LRP1B: variants seen among roughly 807,000 people sequenced by gnomAD.
LRP1B encodes low-density lipoprotein receptor-related protein 1B.
Under a neutral mutation model 556.6 loss-of-function variants are expected in LRP1B, and 217 were observed. The observed-to-expected ratio is 0.39, with a 90% CI of 0.35 to 0.44. The LOEUF is 0.44. LRP1B is among the 20% of genes least tolerant of loss of function. The pLI, the probability that LRP1B is intolerant of heterozygous loss-of-function variation, is 1.00. For synonymous variants in LRP1B, 2,047 were observed against 1,865.8 expected (o/e 1.10, Z -2.50); for missense variants, 5,053 against 5,620.8 (o/e 0.90, Z 3.23).
chr2:140,646,033 A>T (rs535704295), intron 41 of LRP1B, among the ~76,000 whole-genome samples: 2 of 152,280 alleles, frequency 1.3e-5, no homozygotes, highest in East Asian at 3.9e-4. Context: ...CCAATCAGTC[A>T]TTAAAGTTCT....
At chr2:142,045,019 C>A (rs950653338) in intron 1 of LRP1B, among the ~76,000 whole-genome samples, 1 of 151,460 alleles carries the variant, frequency 6.6e-6, no homozygotes, top group African/African-American at 2.4e-5. Context: ...TAAACAAGTT[C>A]TTTTTAAATG....
chr2:140,460,575 C>T (rs1687277718), intron 60 of LRP1B, among the ~76,000 whole-genome samples: 1 of 152,098 alleles, frequency 6.6e-6, no homozygotes, highest in Non-Finnish European at 1.5e-5. Flanking sequence ...TATAAAACTG[C>T]ATTTGCTTAA....
chr2:141,315,882 CTTTTTTTTTTTTTTTTTTTTTTT>C (rs70991157), intron 3 of LRP1B, among the ~76,000 whole-genome samples: 1 of 18,116 alleles, frequency 5.5e-5, no homozygotes, highest in Non-Finnish European at 9.2e-5. Flanking sequence ...TTAGTCTGGT[CTTTTTTTTTTTTTTTTTTTTTTT>C]TTTTTTTTTT....
chr2:140,501,640 C>G (rs186882472), intron 55 of LRP1B, 47 bp downstream of exon 55: 1 of 1,375,544 alleles, frequency 7.3e-7, no homozygotes, highest in Non-Finnish European at 9.8e-7. Flanking sequence ...TTCTTAACCT[C>G]CAATTCTAAT....
intron 1 of LRP1B, among the ~76,000 whole-genome samples, chr2:141,997,444 T>TAC (rs148682019): frequency 1.4e-4 from 19 of 137,260 alleles, no homozygotes; most frequent in African/African-American, 4.8e-4. Context: ...TGTGTGTATA[T>TAC]ACACACACAC....
chr2:141,791,071 T>C (rs1051409812), intron 2 of LRP1B, among the ~76,000 whole-genome samples: 11 of 151,982 alleles, frequency 7.2e-5, no homozygotes, highest in Non-Finnish European at 1.5e-4. Context: ...AATCTTTTAA[T>C]TATTTTTGAT....
At chr2:140,347,414 AT>A (rs1222761755) in intron 77 of LRP1B, among the ~76,000 whole-genome samples, 70 of 151,728 alleles carry the variant, frequency 4.6e-4, no homozygotes, top group Non-Finnish European at 5.2e-4. Flanking sequence ...AATTATTAGT[AT>A]TCTAACCATT....
At chr2:140,366,434 G>C (rs1056746228) in intron 71 of LRP1B, among the ~76,000 whole-genome samples, 9 of 151,684 alleles carry the variant, frequency 5.9e-5, no homozygotes, top group African/African-American at 2.2e-4. Flanking sequence ...TGGTGATGTC[G>C]AGCAAGCTGG....
chr2:140,766,858 AT>A (rs536868859), intron 35 of LRP1B, among the ~76,000 whole-genome samples: 2,176 of 42,248 alleles, frequency 0.052, 86 homozygotes, highest in Admixed American at 0.2. Flanking sequence ...ATATATATAT[AT>A]ATATATAATA....
At chr2:140,925,214 G>A (rs1302384505) in intron 20 of LRP1B, among the ~76,000 whole-genome samples, 1 of 152,112 alleles carries the variant, frequency 6.6e-6, no homozygotes, top group African/African-American at 2.4e-5. Context: ...CAGTGTATAT[G>A]GAGGAATGAC....
intron 3 of LRP1B, among the ~76,000 whole-genome samples, chr2:141,417,401 C>T (rs79503131): frequency 0.041 from 6,279 of 152,192 alleles, 185 homozygotes; most frequent in Non-Finnish European, 0.059. Context: ...GTCCTCCCAT[C>T]CCCTGGCAAC....
intron 2 of LRP1B, among the ~76,000 whole-genome samples, chr2:141,495,620 A>G (rs774192317): frequency 1.3e-5 from 2 of 152,142 alleles, no homozygotes; most frequent in Non-Finnish European, 2.9e-5. Flanking sequence ...TCTGTAAGAG[A>G]ATGCTGAAGA....
chr2:141,873,430 ATTGC>A (rs1698653911), intron 1 of LRP1B, among the ~76,000 whole-genome samples: 2 of 152,052 alleles, frequency 1.3e-5, no homozygotes, highest in South Asian at 4.1e-4. Flanking sequence ...AGGTAAAAGC[ATTGC>A]TTTGTTGGGA....
chr2:141,765,839 A>T (rs12104666), intron 2 of LRP1B, among the ~76,000 whole-genome samples: 15,132 of 152,158 alleles, frequency 0.099, 1,110 homozygotes, highest in African/African-American at 0.2. Context: ...AGAACTTGTT[A>T]CAAATACAAA....
At chr2:141,166,237 C>T (rs1411875503) in intron 7 of LRP1B, among the ~76,000 whole-genome samples, 1 of 151,854 alleles carries the variant, frequency 6.6e-6, no homozygotes, top group East Asian at 1.9e-4. Context: ...CAGACTTGCT[C>T]CCTCTCCATG....
intron 63 of LRP1B, among the ~76,000 whole-genome samples, chr2:140,447,220 A>G (rs1413512150): frequency 6.6e-6 from 1 of 152,120 alleles, no homozygotes; most frequent in Non-Finnish European, 1.5e-5. Context: ...AGAAATGTAA[A>G]TTAGTACAGC....
rs1173280427 is a variant in LRP1B at position 142,130,818 on chromosome 2, A to T, written c.-89T>A. The T allele has an allele frequency of 1.0e-6, 1 of 996,644 alleles. No homozygotes were observed. Among genetic ancestry groups the T allele is most frequent in the Non-Finnish European group, 1.6e-6 (1 of 640,558 alleles). 61.7% of individuals were successfully genotyped at this position (996,644 alleles called of 1,614,324 possible). The stretch of plus-strand genomic sequence containing the variant: ...GGCGGCGGCGGCAGGGGCCGCTTGG[A>T]GCCTGGAATCGAGCGGCGTCATTTA... On this transcript the variant is annotated 5_prime_UTR_variant, in exon 1 of 91. Transcript: ENST00000389484.
At chr2:140,500,356 A>C (rs1689129430) in intron 55 of LRP1B, among the ~76,000 whole-genome samples, 1 of 151,942 alleles carries the variant, frequency 6.6e-6, no homozygotes, top group Non-Finnish European at 1.5e-5. Flanking sequence ...TAAAAACAGC[A>C]AATTGGTTGT....
At chr2:141,088,957 AC>A (rs1246762138) in intron 7 of LRP1B, among the ~76,000 whole-genome samples, 2 of 152,202 alleles carry the variant, frequency 1.3e-5, no homozygotes, top group African/African-American at 2.4e-5. Context: ...ATAAAAACAA[AC>A]AAAAAGTCAT....
Sources: gnomAD v4.1 joint callset for allele counts (sites outside exome capture counted in the v4.1 genomes callset) on GRCh38, gnomAD v4.1.1 for gene constraint, MANE v1.5 for transcripts, NCBI Gene and HGNC (gene_info 2026-07-23, HGNC 2026-07-21) for gene names.